The following CELF2 variants were observed in gnomAD, a reference collection of about 807,000 sequenced individuals.
The protein encoded by CELF2 is CUGBP Elav-like family member 2.
Under a neutral mutation model 62.6 loss-of-function variants are expected in CELF2, and 8 were observed. The ratio of observed to expected loss-of-function variants is 0.13; its 90% CI spans 0.07 to 0.23. The LOEUF (loss-of-function observed/expected upper bound fraction) is 0.23, where lower values mean the gene tolerates loss of function less well. CELF2 is among the 10% of genes least tolerant of loss of function. CELF2 has a pLI of 1.00. For synonymous variants in CELF2, 258 were observed against 250.0 expected, an observed-to-expected ratio of 1.03 and a Z score of -0.30; for missense variants, 333 against 671.0, an observed-to-expected ratio of 0.50 and a Z score of 5.56.
intron 1 of CELF2, among the ~76,000 whole-genome samples, chr10:11,059,022 A>G (rs1035176347): frequency 3.3e-5 from 5 of 152,192 alleles, no homozygotes; most frequent in African/African-American, 1.2e-4. Context: ...GGCTCAAGCA[A>G]TGCTTCTTCC....
At chr10:11,115,010 C>T (rs763321429) in intron 1 of CELF2, among the ~76,000 whole-genome samples, 2 of 152,178 alleles carry the variant, frequency 1.3e-5, no homozygotes, top group Non-Finnish European at 2.9e-5. Context: ...CCTCAATAAA[C>T]ATTTTTGCAA....
the CELF2 span, among the ~76,000 whole-genome samples, chr10:10,761,431 T>C: frequency 6.6e-6 from 1 of 152,266 alleles, no homozygotes; most frequent in African/African-American, 2.4e-5. Context: ...GAAAAATGTA[T>C]GTTGATTAAT....
the CELF2 span, among the ~76,000 whole-genome samples, chr10:10,572,930 C>T: frequency 2.0e-5 from 3 of 152,100 alleles, no homozygotes; most frequent in East Asian, 1.9e-4. Flanking sequence ...TTTGAGGAAT[C>T]GCCACACCAT....
chr10:10,981,951 T>G (rs1032797080), intron 2 of CELF2, among the ~76,000 whole-genome samples: 6 of 112,258 alleles, frequency 5.3e-5, no homozygotes, highest in Non-Finnish European at 8.9e-5. Context: ...TTCCTTTTCC[T>G]TTTTTTTTTT....
At chr10:10,589,505 A>G in the CELF2 span, among the ~76,000 whole-genome samples, 4 of 152,036 alleles carry the variant, frequency 2.6e-5, no homozygotes, top group Admixed American at 6.6e-5. Flanking sequence ...TGGCTGGGGG[A>G]CTTAGAATTT....
At chr10:10,553,254 C>T in the CELF2 span, among the ~76,000 whole-genome samples, 2 of 152,080 alleles carry the variant, frequency 1.3e-5, no homozygotes, top group South Asian at 2.1e-4. Context: ...ATCACAAGAA[C>T]AGCACAGGAA....
chr10:11,187,573 G>GC lies in CELF2; in HGVS notation c.271+21901dup, dbSNP rs71287361. On this transcript the variant is annotated intron_variant, in intron 2 of 12. Coordinates refer to ENST00000633077, the MANE Select transcript of CELF2 (RefSeq NM_001326342.2). ...TTAGGTCTCTAATCTCACTAAGGTC[G>GC]CCCCCCCCCCAACCTGTTCTTCCCT... 8.6e-3 allele frequency among the ~76,000 whole-genome samples: 907 copies of GC among 105,732 alleles called. 1 individual carries two copies. The highest frequency in any genetic ancestry group is 0.036 in the South Asian group (88 of 2,458). 69.4% of individuals were successfully genotyped at this position (105,732 alleles called of 152,430 possible).
upstream of CELF2, among the ~76,000 whole-genome samples, chr10:10,793,700 C>T (rs981144891): frequency 1.3e-5 from 2 of 152,144 alleles, no homozygotes; most frequent in African/African-American, 4.8e-5. Context: ...CCTATCACTG[C>T]TTTGTTCAAA....
chr10:10,694,573 C>A, the CELF2 span, among the ~76,000 whole-genome samples: 2 of 151,970 alleles, frequency 1.3e-5, no homozygotes, highest in Non-Finnish European at 2.9e-5. Flanking sequence ...TCCTTGCTGA[C>A]TTTCTGTCTC....
the CELF2 span, among the ~76,000 whole-genome samples, chr10:10,583,953 G>C: frequency 1.2e-4 from 19 of 152,246 alleles, no homozygotes; most frequent in South Asian, 3.9e-3. Flanking sequence ...GTCTAAAAAG[G>C]ATCCAAGCGG....
the CELF2 span, among the ~76,000 whole-genome samples, chr10:10,728,259 C>A: frequency 2.7e-5 from 4 of 147,320 alleles, no homozygotes; most frequent in African/African-American, 1.0e-4. Flanking sequence ...ACCAACGTGG[C>A]AAAACCCCAT....
upstream of CELF2, among the ~76,000 whole-genome samples, chr10:11,016,439 A>G (rs551340465): frequency 2.0e-5 from 3 of 152,354 alleles, no homozygotes; most frequent in South Asian, 6.2e-4. This position sits in a 1 kb window ranked among gnomAD's most constrained non-coding sequence, Gnocchi z 5.2. Flanking sequence ...GAAGGCAACC[A>G]AGTCCATTAA....
the CELF2 span, among the ~76,000 whole-genome samples, chr10:10,564,668 ACACACG>A: frequency 7.1e-5 from 7 of 98,522 alleles, no homozygotes; most frequent in African/African-American, 2.0e-4. Context: ...ACACACACAC[ACACACG>A]CACACACGCA....
At position 11,246,193 on chromosome 10, in the gene CELF2, G is replaced by A. The variant is rs912496258; in HGVS notation, c.355-2960G>A. Among the ~76,000 whole-genome samples the A allele has an allele frequency of 5.9e-5, 9 of 151,924 alleles. No homozygotes were observed. Among genetic ancestry groups the A allele is most frequent in the Non-Finnish European group, 1.0e-4 (7 of 67,994 alleles). On this transcript the variant is annotated intron_variant, in intron 3 of 12. Transcript: ENST00000633077. The surrounding 1 kb of genome is among the most constrained non-coding windows in gnomAD (Gnocchi z 4.6). ...CCTGTTTTTTATGTGGATGCGTATC[G>A]ACCGCCATGATAGACTGCACACTCC...
chr10:10,473,456 G>C, the CELF2 span, among the ~76,000 whole-genome samples: 1 of 151,998 alleles, frequency 6.6e-6, no homozygotes, highest in Non-Finnish European at 1.5e-5. Context: ...CACCCAATTT[G>C]TGGTACTTTT....
chr10:10,483,117 TC>T, the CELF2 span, among the ~76,000 whole-genome samples: 1 of 151,596 alleles, frequency 6.6e-6, no homozygotes, highest in African/African-American at 2.4e-5. Context: ...GGCTTTTGCT[TC>T]TCCGTGTTGC....
intron 3 of CELF2, among the ~76,000 whole-genome samples, chr10:11,226,730 T>C (rs2066756770): frequency 6.6e-6 from 1 of 152,152 alleles, no homozygotes; most frequent in Non-Finnish European, 1.5e-5. Flanking sequence ...GCACAGGTCC[T>C]GAAAAACATT....
intron 4 of CELF2, among the ~76,000 whole-genome samples, chr10:11,252,287 G>A (rs966036339): frequency 6.6e-6 from 1 of 152,228 alleles, no homozygotes; most frequent in African/African-American, 2.4e-5. Flanking sequence ...CTTTGGCTCA[G>A]TTGCTCTAAA....
At chr10:11,210,580 A>G (rs2135646653) in intron 2 of CELF2, among the ~76,000 whole-genome samples, 1 of 152,348 alleles carries the variant, frequency 6.6e-6, no homozygotes, top group East Asian at 1.9e-4. Context: ...TATCAGAAAA[A>G]GAATTAGCAG....
Sources: allele counts gnomAD v4.1 joint callset (sites outside exome capture counted in the v4.1 genomes callset), GRCh38; gene constraint gnomAD v4.1.1; non-coding constraint Gnocchi (gnomAD v3.1); transcripts MANE v1.5; gene names NCBI Gene and HGNC (gene_info 2026-07-23, HGNC 2026-07-21).